Variants in REDIC1 observed in about 807,000 individuals in gnomAD.
The protein encoded by REDIC1 is regulator of DNA class I crossover intermediates 1, also known as HEI10 Interacting Protein 1.
the REDIC1 span, among the ~76,000 whole-genome samples, chr12:39,667,597 G>A: frequency 1.3e-5 from 2 of 152,294 alleles, no homozygotes; most frequent in South Asian, 4.1e-4. Context: ...TTGGTGCAGA[G>A]CTGAGTTCAA....
chr12:39,643,128 ATTAG>A, the REDIC1 span, among the ~76,000 whole-genome samples: 1 of 151,770 alleles, frequency 6.6e-6, no homozygotes, highest in East Asian at 1.9e-4. Context: ...ATAAATAAAT[ATTAG>A]TTAATTTTTA....
the REDIC1 span, among the ~76,000 whole-genome samples, chr12:39,792,888 A>G: frequency 6.6e-6 from 1 of 151,968 alleles, no homozygotes; most frequent in African/African-American, 2.4e-5. Flanking sequence ...ATTTCTATCA[A>G]TGTGGGGCTT....
At chr12:39,637,665 A>G in the REDIC1 span, among the ~76,000 whole-genome samples, 1 of 152,120 alleles carries the variant, frequency 6.6e-6, no homozygotes, top group Non-Finnish European at 1.5e-5. Flanking sequence ...TTTACAATGT[A>G]ATTATGACAG....
chr12:39,628,847 AT>A, the REDIC1 span, among the ~76,000 whole-genome samples: 1 of 152,158 alleles, frequency 6.6e-6, no homozygotes, highest in Non-Finnish European at 1.5e-5. Flanking sequence ...GCTATGATTT[AT>A]ATACAAATAT....
At chr12:39,860,036 T>C in the REDIC1 span, among the ~76,000 whole-genome samples, 3 of 152,092 alleles carry the variant, frequency 2.0e-5, no homozygotes, top group Admixed American at 6.5e-5. Context: ...AGAGCAAGGT[T>C]TGAAAGGAAT....
At chr12:39,764,886 A>G in the REDIC1 span, 1 of 1,601,058 alleles carries the variant, frequency 6.2e-7, no homozygotes, top group East Asian at 2.2e-5. Flanking sequence ...ATAAGTATTA[A>G]CTTAATGTTT....
chr12:39,746,269 T>C, the REDIC1 span, among the ~76,000 whole-genome samples: 1 of 152,110 alleles, frequency 6.6e-6, no homozygotes. Context: ...TCTTAGCAAA[T>C]GGCACACCAG....
chr12:39,801,352 AAAAAAAAAG>A, the REDIC1 span, among the ~76,000 whole-genome samples: 11 of 151,294 alleles, frequency 7.3e-5, no homozygotes, highest in South Asian at 4.2e-4. Flanking sequence ...AAAAAAAAAA[AAAAAAAAAG>A]AAAGAACTGA....
the REDIC1 span, chr12:39,720,657 C>G: frequency 1.3e-6 from 1 of 743,866 alleles, no homozygotes; most frequent in Non-Finnish European, 2.2e-6. Flanking sequence ...TGATTTGTAA[C>G]TTGCCAAACT....
At chr12:39,794,135 A>C in the REDIC1 span, among the ~76,000 whole-genome samples, 2 of 151,146 alleles carry the variant, frequency 1.3e-5, no homozygotes, top group Admixed American at 6.6e-5. Flanking sequence ...AAAAAAAAAA[A>C]AAAAAAAAAA....
At chr12:39,712,936 T>C in the REDIC1 span, among the ~76,000 whole-genome samples, 1 of 146,904 alleles carries the variant, frequency 6.8e-6, no homozygotes, top group African/African-American at 2.5e-5. Flanking sequence ...TATACGTGTA[T>C]ATACGTGTAT....
chr12:39,804,966 T>G, the REDIC1 span, among the ~76,000 whole-genome samples: 1,087 of 151,782 alleles, frequency 7.2e-3, 20 homozygotes, highest in African/African-American at 0.025. Flanking sequence ...CTTTGGCACT[T>G]GCTTGGAAAG....
the REDIC1 span, among the ~76,000 whole-genome samples, chr12:39,815,235 A>G: frequency 6.6e-6 from 1 of 152,230 alleles, no homozygotes; most frequent in African/African-American, 2.4e-5. Context: ...TGAATCCCAT[A>G]TGCCCAAATA....
At chr12:39,681,742 T>C in the REDIC1 span, among the ~76,000 whole-genome samples, 3 of 152,196 alleles carry the variant, frequency 2.0e-5, no homozygotes, top group Non-Finnish European at 2.9e-5. Context: ...AGCTCTTTTA[T>C]CTCTCTATTG....
chr12:39,784,975 C>T, the REDIC1 span, among the ~76,000 whole-genome samples: 2 of 152,172 alleles, frequency 1.3e-5, no homozygotes, highest in Admixed American at 6.6e-5. Flanking sequence ...GTTAAAAGCA[C>T]TCTGTTTTAA....
At chr12:39,884,081 C>T in the REDIC1 span, among the ~76,000 whole-genome samples, 1 of 152,148 alleles carries the variant, frequency 6.6e-6, no homozygotes, top group Admixed American at 6.5e-5. Flanking sequence ...AAATGTCATA[C>T]ATTGTATTCA....
At chr12:39,649,845 C>T in the REDIC1 span, among the ~76,000 whole-genome samples, 2 of 151,898 alleles carry the variant, frequency 1.3e-5, no homozygotes, top group Non-Finnish European at 2.9e-5. Flanking sequence ...TAAAGTTACT[C>T]AGTAAATGGA....
chr12:39,709,379 T>C, the REDIC1 span, among the ~76,000 whole-genome samples: 2 of 151,828 alleles, frequency 1.3e-5, no homozygotes, highest in Admixed American at 6.6e-5. Context: ...CAAAAAGGCA[T>C]GCAACATAAA....
the REDIC1 span, among the ~76,000 whole-genome samples, chr12:39,730,984 CTG>C: frequency 1.3e-5 from 2 of 152,102 alleles, no homozygotes; most frequent in Admixed American, 1.3e-4. Context: ...AGTTCTTGTG[CTG>C]TGTTTTTCAG....
Sources: allele counts gnomAD v4.1 joint callset (sites outside exome capture counted in the v4.1 genomes callset), GRCh38; gene constraint gnomAD v4.1.1; transcripts MANE v1.5; gene names NCBI Gene and HGNC (gene_info 2026-07-23, HGNC 2026-07-21).